DSCAM: variants seen among roughly 807,000 people sequenced by gnomAD.
The protein encoded by DSCAM is cell adhesion molecule DSCAM.
DSCAM carries 47 observed loss-of-function variants against 217.7 expected under a neutral mutation model. The ratio of observed to expected loss-of-function variants is 0.22; its 90% confidence interval spans 0.17 to 0.28. DSCAM has a LOEUF of 0.28. Ranked by LOEUF, DSCAM falls within the 10% of genes least tolerant of loss-of-function variation. The pLI is 1.00. For missense variants in DSCAM, 2,080 were observed against 2,618.3 expected (o/e 0.79, Z 4.49); for synonymous variants, 1,056 against 1,015.3 (o/e 1.04, Z -0.76).
At chr21:40,653,920 C>A (rs1166718580) in intron 3 of DSCAM, among the ~76,000 whole-genome samples, 1 of 151,928 alleles carries the variant, frequency 6.6e-6, no homozygotes, top group Non-Finnish European at 1.5e-5. Context: ...CATGGTGAAA[C>A]CCCATCTCTA....
intron 1 of DSCAM, among the ~76,000 whole-genome samples, chr21:40,804,519 C>T (rs887357878): frequency 2.0e-5 from 3 of 152,048 alleles, no homozygotes; most frequent in African/African-American, 4.8e-5. Flanking sequence ...CCCCTATCTC[C>T]CCTCCCCGTT....
intron 3 of DSCAM, among the ~76,000 whole-genome samples, chr21:40,458,455 T>C (rs1315022064): frequency 1.3e-5 from 2 of 151,914 alleles, no homozygotes; most frequent in Non-Finnish European, 2.9e-5. Flanking sequence ...CTCGTACACA[T>C]ACATATGTAA....
In DSCAM at chr21:40,025,657, G is replaced by A. The variant is rs957141154; in HGVS notation, c.5687-12271C>T. 2.1e-4 allele frequency among the ~76,000 whole-genome samples: 31 copies of A among 151,056 alleles called. 1 individual carries two copies. The highest frequency in any genetic ancestry group is 4.4e-4 in the African/African-American group (18 of 40,882). ...CTTCTAGATTTTCTAGTTTATTTGC[G>A]TAGAGGTGTTTGTAGTACTCTCTGA... On this transcript the variant is annotated intron_variant, in intron 32 of 32. Transcript: ENST00000400454.
chr21:40,306,598 T>A (rs1323291675), intron 9 of DSCAM, among the ~76,000 whole-genome samples: 1 of 149,878 alleles, frequency 6.7e-6, no homozygotes, highest in African/African-American at 2.5e-5. Flanking sequence ...ATAGCTCTTA[T>A]TATTTTGAGA....
chr21:40,116,307 A>G (rs937165521), intron 20 of DSCAM, among the ~76,000 whole-genome samples: 7 of 152,214 alleles, frequency 4.6e-5, no homozygotes, highest in Admixed American at 3.9e-4. Context: ...TTACCCCTGA[A>G]CTTAAAAGTG....
Position 40,598,218 on chromosome 21 carries a change from ACTTG to A in DSCAM, c.508+94588_508+94591del, listed in dbSNP as rs545801763. On this transcript the variant is annotated intron_variant, in intron 3 of 32. Coordinates refer to ENST00000400454, the MANE Select transcript of DSCAM (RefSeq NM_001389.5). ...TCCACATACGATGTGGCTTTTTCAGACTTGCTTTCCTTGTGTGGCTGTATGCATT... is the reference window on the plus strand; with the variant it reads ...TCCACATACGATGTGGCTTTTTCAGACTTTCCTTGTGTGGCTGTATGCATT... Among the ~76,000 whole-genome samples the A allele has an allele frequency of 1.8e-4, 28 of 152,108 alleles. No individual in the cohort carries two copies. The South Asian group carries it at 5.8e-3, about 32-fold the overall frequency.
At chr21:40,291,906 CG>C (rs1480001695) in intron 10 of DSCAM, among the ~76,000 whole-genome samples, 2 of 152,172 alleles carry the variant, frequency 1.3e-5, no homozygotes, top group African/African-American at 4.8e-5. Flanking sequence ...TCTATTCTCT[CG>C]CATTTGCAGT....
intron 11 of DSCAM, among the ~76,000 whole-genome samples, chr21:40,194,324 T>C (rs373174427): frequency 6.6e-6 from 1 of 152,240 alleles, no homozygotes. Context: ...ATCATTACCA[T>C]GGCTTCTTTG....
At chr21:40,773,864 G>C (rs1319625344) in intron 1 of DSCAM, among the ~76,000 whole-genome samples, 3 of 152,210 alleles carry the variant, frequency 2.0e-5, no homozygotes. Flanking sequence ...CACCAGGCAG[G>C]ATGAATTTAG....
At chr21:40,320,670 T>C (rs1358647774) in intron 8 of DSCAM, among the ~76,000 whole-genome samples, 1 of 152,130 alleles carries the variant, frequency 6.6e-6, no homozygotes, top group Non-Finnish European at 1.5e-5. Flanking sequence ...AAGTCCCACC[T>C]TACATGGATG....
At chr21:40,545,914 G>A (rs1213743978) in intron 3 of DSCAM, among the ~76,000 whole-genome samples, 1 of 152,230 alleles carries the variant, frequency 6.6e-6, no homozygotes, top group Non-Finnish European at 1.5e-5. Context: ...GTCAGGTCCA[G>A]TCTGGGCTTT....
chr21:40,498,481 A>G lies in DSCAM; in HGVS notation c.509-129236T>C, dbSNP rs558409574. 2.2e-3 allele frequency among the ~76,000 whole-genome samples: 339 copies of G among 151,662 alleles called. 2 individuals carry two copies. Among genetic ancestry groups the G allele is most frequent in the African/African-American group, 7.5e-3 (310 of 41,390 alleles). On this transcript the variant is annotated intron_variant, in intron 3 of 32. Coordinates refer to ENST00000400454, the MANE Select transcript of DSCAM (RefSeq NM_001389.5). Reference sequence around the variant, plus strand: ...TAGGATTGGAAGAAAGGTGGTAGAAACTGACTTCTGTATAAACCAGCAAGA... The same window carrying G: ...TAGGATTGGAAGAAAGGTGGTAGAAGCTGACTTCTGTATAAACCAGCAAGA...
intron 11 of DSCAM, among the ~76,000 whole-genome samples, chr21:40,265,141 G>T (rs887681241): frequency 4.0e-5 from 6 of 150,488 alleles, no homozygotes; most frequent in Non-Finnish European, 5.9e-5. Context: ...GCAGTGAGCC[G>T]AAATCGTACC....
chr21:40,726,173 A>G (rs1411271459), intron 1 of DSCAM, among the ~76,000 whole-genome samples: 2 of 152,214 alleles, frequency 1.3e-5, no homozygotes, highest in Non-Finnish European at 2.9e-5. Context: ...TGTATTAAGA[A>G]GAGTGTTTAG....
intron 9 of DSCAM, among the ~76,000 whole-genome samples, chr21:40,297,932 A>G (rs1043349055): frequency 2.6e-5 from 4 of 152,184 alleles, no homozygotes; most frequent in African/African-American, 9.7e-5. Context: ...CAATTTACTT[A>G]TCTGAAAATT....
In DSCAM at chr21:40,671,627, T is replaced by C. The variant is rs561287823; in HGVS notation, c.508+21183A>G. Among the ~76,000 whole-genome samples, 7 of 143,564 alleles carry C rather than the reference T, an allele frequency of 4.9e-5. No homozygotes were observed. The South Asian group carries it at 1.5e-3, about 31-fold the overall frequency. The allele number at this position is 143,564 out of a possible 152,430, so 94.2% of individuals were successfully genotyped here. On this transcript the variant is annotated intron_variant, in intron 3 of 32. Transcript: ENST00000400454. Reference sequence around the variant, plus strand: ...TTGCATGAAACTGGGAGGTGGAGGTTGCAGTGAGCCGAGATTGCACTACTG... The same window carrying C: ...TTGCATGAAACTGGGAGGTGGAGGTCGCAGTGAGCCGAGATTGCACTACTG...
intron 32 of DSCAM, among the ~76,000 whole-genome samples, chr21:40,037,016 T>A (rs1461588958): frequency 2.0e-5 from 3 of 150,382 alleles, no homozygotes; most frequent in African/African-American, 5.0e-5. Flanking sequence ...GGGACGTATT[T>A]CAAAATAATA....
chr21:40,292,812 A>G (rs1455271301), intron 10 of DSCAM, among the ~76,000 whole-genome samples: 1 of 151,776 alleles, frequency 6.6e-6, no homozygotes, highest in African/African-American at 2.4e-5. Flanking sequence ...GCGTGATCTC[A>G]GCTCACTGTA....
At chr21:40,664,447 C>T (rs1381402356) in intron 3 of DSCAM, among the ~76,000 whole-genome samples, 3 of 152,148 alleles carry the variant, frequency 2.0e-5, no homozygotes, top group East Asian at 1.9e-4. Context: ...TGGAGAGGAC[C>T]GACAGGAGAG....
Sources: gnomAD v4.1 joint callset for allele counts (sites outside exome capture counted in the v4.1 genomes callset) on GRCh38, gnomAD v4.1.1 for gene constraint, MANE v1.5 for transcripts, NCBI Gene and HGNC (gene_info 2026-07-23, HGNC 2026-07-21) for gene names.